MFN2: variants seen among roughly 807,000 people sequenced by gnomAD.
MFN2 encodes the protein mitofusin 2, also known as mitofusin-2.
A neutral mutation model predicts 87.5 loss-of-function variants in MFN2; 43 were observed. The observed-to-expected ratio is 0.49, with a 90% CI of 0.38 to 0.63. The LOEUF (loss-of-function observed/expected upper bound fraction) is 0.63. Among genes scored for constraint, MFN2 ranks in the 30% least tolerant of loss-of-function variants. The pLI, the probability that MFN2 is intolerant of heterozygous loss-of-function variation, is 0.00. For missense variants in MFN2, 743 were observed against 972.8 expected (o/e 0.76, Z 3.14); for synonymous variants, 337 against 359.9 (o/e 0.94, Z 0.72).
At position 12,003,899 on chromosome 1, in the gene MFN2, C is replaced by T. The variant is rs1198727465; in HGVS notation, c.1161-93C>T. 4.1e-5 allele frequency: 64 copies of T among 1,543,012 alleles called. No homozygotes were observed. Among genetic ancestry groups the T allele is most frequent in the South Asian group, 6.7e-5 (6 of 89,220 alleles). On this transcript the variant is annotated intron_variant, in intron 11 of 18. Transcript: ENST00000235329. The surrounding 1 kb of genome is among the most constrained non-coding windows in gnomAD (Gnocchi z 4.1). ...TGTGCAGCCCTGCCAGGCAAGATAGCGGGCAGGGCGGCGTGGGATTTCTGG... is the reference window on the plus strand; with the variant it reads ...TGTGCAGCCCTGCCAGGCAAGATAGTGGGCAGGGCGGCGTGGGATTTCTGG...
chr1:12,004,909 A>G lies in MFN2; in HGVS notation c.1477A>G (p.Met493Val), dbSNP rs758215379. ...GGCCATCACCAACTCCCTGCAGACC[A>G]TGCAGCAGGACATGATAGGTTAGTG... ...STAITNSLQT[M>V]QQDMIDGLKP... The change falls in exon 14 of 19, where the codon ATG (methionine) becomes GTG (valine). Residue 493 changes from methionine to valine, a missense_variant. Transcript: ENST00000235329. This position sits in a 1 kb window ranked among gnomAD's most constrained non-coding sequence, Gnocchi z 4.2. 3 of 1,610,800 alleles carry G rather than the reference A, an allele frequency of 1.9e-6. No homozygotes were observed. Among genetic ancestry groups the G allele is most frequent in the South Asian group, 2.2e-5 (2 of 90,342 alleles).
chr1:12,009,226 AGGGAGC>A (rs994469824), intron 17 of MFN2, among the ~76,000 whole-genome samples: 5 of 151,136 alleles, frequency 3.3e-5, no homozygotes, highest in South Asian at 2.1e-4. Flanking sequence ...GGAGAGGGAG[AGGGAGC>A]GGGAGAGGGA....
chr1:11,984,772 T>C (rs1431268128), intron 2 of MFN2, among the ~76,000 whole-genome samples: 2 of 152,232 alleles, frequency 1.3e-5, no homozygotes, highest in Non-Finnish European at 2.9e-5. Context: ...TTCAGGGAGC[T>C]TGTGGATAGC....
intron 3 of MFN2, 99 bp from the exon 4 acceptor site, chr1:11,992,456 C>A (rs1054979608): frequency 8.1e-6 from 12 of 1,474,724 alleles, no homozygotes; most frequent in Non-Finnish European, 1.1e-5. Flanking sequence ...GAGGTGGACT[C>A]GTTTAGGGTA....
Position 12,003,771 on chromosome 1 carries a change from T to G in MFN2, c.1161-221T>G, listed in dbSNP as rs189455208. ...ACCCCCTTAAAGCGCCCTCCCTGTT[T>G]TGTGCCCACCACCTGACCCACATCG... On this transcript the variant is annotated intron_variant, in intron 11 of 18. Transcript: ENST00000235329. The surrounding 1 kb of genome is among the most constrained non-coding windows in gnomAD (Gnocchi z 4.1). Among the ~76,000 whole-genome samples the G allele has an allele frequency of 1.5e-3, 228 of 152,362 alleles. No individual in the cohort carries two copies. Among genetic ancestry groups the G allele is most frequent in the African/African-American group, 5.3e-3 (221 of 41,596 alleles).
At chr1:11,980,658 G>T (rs920612089) in intron 1 of MFN2, among the ~76,000 whole-genome samples, 174 bp downstream of exon 1, 1 of 152,210 alleles carries the variant, frequency 6.6e-6, no homozygotes, top group African/African-American at 2.4e-5. Flanking sequence ...CTGAGAGGAG[G>T]GGGCGGGCCA....
At position 11,987,311 on chromosome 1, in the gene MFN2, C is replaced by CA. The variant is rs78088488; in HGVS notation, c.-4-1838dup. On this transcript the variant is annotated intron_variant, in intron 2 of 18. Coordinates refer to ENST00000235329, the MANE Select transcript of MFN2 (RefSeq NM_014874.4). ...GGGTGACAAAAGTGAGACTCTGTCTCAAAAAAAAAAAAAAAATTATAATAA... is the reference window on the plus strand; with the variant it reads ...GGGTGACAAAAGTGAGACTCTGTCTCAAAAAAAAAAAAAAAAATTATAATAA... Among the ~76,000 whole-genome samples the CA allele has an allele frequency of 3.1e-3, 410 of 134,310 alleles. 8 individuals are homozygous for CA. In the East Asian group the frequency reaches 0.044, roughly 14 times the overall value. The allele number at this position is 134,310 out of a possible 152,430, so 88.1% of individuals were successfully genotyped here.
At chr1:11,981,351 A>C (rs989623472) in intron 1 of MFN2, among the ~76,000 whole-genome samples, 10 of 152,238 alleles carry the variant, frequency 6.6e-5, no homozygotes, top group African/African-American at 2.4e-4. Context: ...CTAAAACCAA[A>C]AACTAGCCGG....
rs1024002458 is a variant in MFN2 at position 12,003,796 on chromosome 1, G to A, written c.1161-196G>A. On this transcript the variant is annotated intron_variant, in intron 11 of 18. Transcript: ENST00000235329. This position sits in a 1 kb window ranked among gnomAD's most constrained non-coding sequence, Gnocchi z 4.1. ...TTGTGCCCACCACCTGACCCACATC[G>A]AAGACTGAAGAGTGCATGGTTGGCT... is the stretch of plus-strand genomic sequence containing the variant. Among the ~76,000 whole-genome samples, 4 of 152,114 alleles carry A rather than the reference G, an allele frequency of 2.6e-5. No homozygotes were observed. The highest frequency in any genetic ancestry group is 1.9e-4 in the East Asian group (1 of 5,200).
intron 18 of MFN2, among the ~76,000 whole-genome samples, chr1:12,010,347 A>G (rs1278539902): frequency 6.6e-6 from 1 of 152,170 alleles, no homozygotes; most frequent in Non-Finnish European, 1.5e-5. Context: ...AACATGTGCT[A>G]TTTCACTCAG....
rs1435275513 is a variant in MFN2, at chr1:11,992,639, G to A, written c.260G>A (p.Gly87Asp). ...AAAGGTTACCTATCCAAAGTGAGAG[G>A]CATCAGTGAGGTGCTGGCTCGGAGG... is the stretch of plus-strand genomic sequence containing the variant. ...DVKGYLSKVRGISEVLARRHM... is the reference protein window; with the variant it reads ...DVKGYLSKVRDISEVLARRHM... Residue 87 changes from glycine to aspartate, a missense_variant, in exon 4 of 19, where the codon GGC becomes GAC. Gly to Asp is a moderately conservative substitution (Grantham distance 94). This residue lies in a region of MFN2 where 141 missense variants were observed against 278.9 expected (regional missense o/e 0.51). Transcript: ENST00000235329. The A allele has an allele frequency of 1.2e-6, 2 of 1,614,194 alleles. No homozygotes were observed. The highest frequency in any genetic ancestry group is 1.7e-5 in the Admixed American group (1 of 60,016).
intron 3 of MFN2, among the ~76,000 whole-genome samples, chr1:11,990,934 G>A (rs913887432): frequency 7.9e-5 from 12 of 152,314 alleles, no homozygotes; most frequent in East Asian, 5.8e-4. Flanking sequence ...GGCTGTGGGG[G>A]AAATTCACTG....
intron 6 of MFN2, among the ~76,000 whole-genome samples, chr1:11,998,026 G>C (rs1638994125): frequency 6.6e-6 from 1 of 151,018 alleles, no homozygotes; most frequent in Admixed American, 6.6e-5. Flanking sequence ...TGGGATTACA[G>C]GTGCCCGCCA....
At chr1:11,992,485 G>A in intron 3 of MFN2, 70 bp from the exon 4 acceptor site, 1 of 1,603,274 alleles carries the variant, frequency 6.2e-7, no homozygotes, top group Non-Finnish European at 8.5e-7. Context: ...CGGCGCTCTG[G>A]CCCTTCCAGA....
intron 5 of MFN2, 126 bp downstream of exon 5, chr1:11,996,444 AT>A: frequency 8.8e-7 from 1 of 1,134,870 alleles, no homozygotes; most frequent in Non-Finnish European, 1.3e-6. Context: ...GGGAGACCCT[AT>A]TTTAGATGAA....
chr1:11,984,928 G>A (rs945611745), intron 2 of MFN2, among the ~76,000 whole-genome samples: 1 of 152,222 alleles, frequency 6.6e-6, no homozygotes, highest in Non-Finnish European at 1.5e-5. Context: ...GTAAGTAAGT[G>A]TTTCCCTGGG....
Position 11,993,666 on chromosome 1 carries a change from G to A in MFN2, c.311+976G>A, listed in dbSNP as rs1238344505. Among the ~76,000 whole-genome samples the A allele has an allele frequency of 2.6e-5, 4 of 151,498 alleles. No individual in the cohort carries two copies. The East Asian group carries it at 7.7e-4, about 29-fold the overall frequency. ...AGGAGAATGGTGTGAACCCCAGGGG[G>A]CGGAGCCTGCAGTGAGCCGAGATCG... On this transcript the variant is annotated intron_variant, in intron 4 of 18. Coordinates refer to ENST00000235329, the MANE Select transcript of MFN2 (RefSeq NM_014874.4).
At position 12,011,569 on chromosome 1, in the gene MFN2, G is replaced by A. The variant is rs1639700604; in HGVS notation, c.*4G>A. 10 of 1,613,880 alleles carry A rather than the reference G, an allele frequency of 6.2e-6. No homozygotes were observed. Among genetic ancestry groups the A allele is most frequent in the Non-Finnish European group, 8.5e-6 (10 of 1,180,026 alleles). On this transcript the variant is annotated 3_prime_UTR_variant, in exon 19 of 19. Transcript: ENST00000235329. ...GTACCTGCAGCCCAGCAGATAGTGGGCACCTGAGGCGGAGTCTGCGTGGAG... is the reference window on the plus strand; with the variant it reads ...GTACCTGCAGCCCAGCAGATAGTGGACACCTGAGGCGGAGTCTGCGTGGAG...
intron 2 of MFN2, among the ~76,000 whole-genome samples, chr1:11,985,949 C>T (rs1450083281): frequency 6.6e-6 from 1 of 152,156 alleles, no homozygotes; most frequent in Non-Finnish European, 1.5e-5. Context: ...GCTGTACTGT[C>T]TTTAAGCCCT....
Sources: allele counts gnomAD v4.1 joint callset (sites outside exome capture counted in the v4.1 genomes callset), GRCh38; gene constraint gnomAD v4.1.1; regional missense constraint gnomAD v4.1.1; non-coding constraint Gnocchi (gnomAD v3.1); transcripts MANE v1.5; gene names NCBI Gene and HGNC (gene_info 2026-07-23, HGNC 2026-07-21).